The following MAPK10 variants were observed in gnomAD, a reference collection of about 807,000 sequenced individuals.
MAPK10 encodes the protein mitogen-activated protein kinase 10.
A neutral mutation model predicts 59.3 loss-of-function variants in MAPK10; 25 were observed. The ratio of observed to expected loss-of-function variants is 0.42; its 90% confidence interval spans 0.31 to 0.59. The LOEUF (loss-of-function observed/expected upper bound fraction) is 0.59. Ranked by LOEUF, MAPK10 falls within the 20% of genes least tolerant of loss-of-function variation. The pLI, the probability that MAPK10 is intolerant of heterozygous loss-of-function variation, is 0.15. For missense variants in MAPK10, 351 were observed against 568.9 expected (o/e 0.62, Z 3.90); for synonymous variants, 190 against 200.5 (o/e 0.95, Z 0.44).
intron 11 of MAPK10, among the ~76,000 whole-genome samples, chr4:86,039,527 T>C (rs1024583839): frequency 2.0e-5 from 3 of 152,164 alleles, no homozygotes; most frequent in Non-Finnish European, 4.4e-5. Context: ...CAGGGGCTTA[T>C]AGCCTTAGAC....
At chr4:86,526,044 CT>C (rs1757452753) in intron 1 of MAPK10, among the ~76,000 whole-genome samples, 1 of 152,048 alleles carries the variant, frequency 6.6e-6, no homozygotes, top group Admixed American at 6.6e-5. Context: ...TTTCATGTGT[CT>C]TTCCCAGATT....
intron 1 of MAPK10, among the ~76,000 whole-genome samples, chr4:86,413,668 T>G (rs1416931618): frequency 2.0e-5 from 3 of 152,182 alleles, no homozygotes; most frequent in African/African-American, 7.2e-5. Context: ...CAGGTTGACC[T>G]CAGACTGCTG....
At chr4:86,440,116 T>C (rs1749236248) in intron 1 of MAPK10, among the ~76,000 whole-genome samples, 1 of 152,116 alleles carries the variant, frequency 6.6e-6, no homozygotes, top group South Asian at 2.1e-4. Flanking sequence ...ACAACCAGAG[T>C]AGACACAAGA....
At chr4:86,383,062 T>A (rs183741356) in intron 1 of MAPK10, among the ~76,000 whole-genome samples, 2 of 152,236 alleles carry the variant, frequency 1.3e-5, no homozygotes, top group African/African-American at 4.8e-5. Context: ...TCATTCTGCA[T>A]AGTGTAAGAA....
chr4:86,132,195 A>G (rs1028345806), intron 4 of MAPK10, among the ~76,000 whole-genome samples: 1 of 152,222 alleles, frequency 6.6e-6, no homozygotes, highest in Admixed American at 6.5e-5. Context: ...TAATTATTTA[A>G]TCATTGATAC....
At chr4:86,135,233 G>C (rs1460697184) in intron 4 of MAPK10, among the ~76,000 whole-genome samples, 1 of 152,220 alleles carries the variant, frequency 6.6e-6, no homozygotes, top group African/African-American at 2.4e-5. Flanking sequence ...TCTGGGGGCA[G>C]GGCACAGACA....
At chr4:86,365,856 G>C (rs1252492143) in intron 1 of MAPK10, among the ~76,000 whole-genome samples, 1 of 147,056 alleles carries the variant, frequency 6.8e-6, no homozygotes. Flanking sequence ...TCAATCATAA[G>C]AGTTTTTGAA....
At chr4:86,523,092 T>C (rs1321290815) in intron 1 of MAPK10, among the ~76,000 whole-genome samples, 2 of 152,126 alleles carry the variant, frequency 1.3e-5, no homozygotes, top group Non-Finnish European at 2.9e-5. Context: ...ATTTTTCATA[T>C]CATTCATTCT....
At chr4:86,201,531 G>A (rs2082621079) in intron 2 of MAPK10, among the ~76,000 whole-genome samples, 1 of 151,788 alleles carries the variant, frequency 6.6e-6, no homozygotes, top group Non-Finnish European at 1.5e-5. Context: ...GACTGTGGAT[G>A]GAGAGAAGGC....
At chr4:86,218,688 T>A (rs1453468052) in intron 2 of MAPK10, among the ~76,000 whole-genome samples, 1 of 150,996 alleles carries the variant, frequency 6.6e-6, no homozygotes, top group African/African-American at 2.4e-5. Context: ...ACTAGGCCAA[T>A]AGGGGCTATT....
At chr4:86,064,126 A>G in intron 11 of MAPK10, 140 bp downstream of exon 11, 1 of 967,152 alleles carries the variant, frequency 1.0e-6, no homozygotes, top group South Asian at 1.7e-5. Flanking sequence ...AATAGCTTTT[A>G]GAGGGGCAGA....
intron 1 of MAPK10, among the ~76,000 whole-genome samples, chr4:86,584,939 A>T (rs1565079373): frequency 6.6e-6 from 1 of 152,186 alleles, no homozygotes; most frequent in Non-Finnish European, 1.5e-5. Flanking sequence ...CCAAGACAGT[A>T]GCTCAATAAT....
At chr4:86,488,803 C>T (rs924744775) in intron 1 of MAPK10, among the ~76,000 whole-genome samples, 1 of 152,184 alleles carries the variant, frequency 6.6e-6, no homozygotes, top group African/African-American at 2.4e-5. Flanking sequence ...GTCCTCACCT[C>T]AGCCTAGAAT....
At chr4:86,156,387 T>G (rs1353791282) in intron 4 of MAPK10, among the ~76,000 whole-genome samples, 2 of 152,080 alleles carry the variant, frequency 1.3e-5, no homozygotes, top group African/African-American at 2.4e-5. Flanking sequence ...ATTGTATTCG[T>G]CTTACAGTTT....
At chr4:86,236,971 T>C (rs1353450729) in intron 2 of MAPK10, among the ~76,000 whole-genome samples, 2 of 152,014 alleles carry the variant, frequency 1.3e-5, no homozygotes, top group Non-Finnish European at 2.9e-5. Context: ...TGACCCATCC[T>C]CTAAGTTGCC....
chr4:86,197,583 C>T (rs922011531), intron 2 of MAPK10, among the ~76,000 whole-genome samples: 1 of 152,084 alleles, frequency 6.6e-6, no homozygotes, highest in African/African-American at 2.4e-5. Context: ...GTACAGGAAA[C>T]AAGATTTAGA....
intron 2 of MAPK10, among the ~76,000 whole-genome samples, chr4:86,330,542 C>A (rs186136333): frequency 6.6e-6 from 1 of 152,190 alleles, no homozygotes; most frequent in Admixed American, 6.5e-5. Flanking sequence ...CTGCTGTTCT[C>A]ATGATGGTGA....
chr4:86,492,082 G>C (rs1437593540), intron 1 of MAPK10, among the ~76,000 whole-genome samples: 4 of 152,220 alleles, frequency 2.6e-5, no homozygotes, highest in Non-Finnish European at 5.9e-5. Flanking sequence ...AGAGAAGTTT[G>C]ATTTAGACAT....
intron 9 of MAPK10, among the ~76,000 whole-genome samples, chr4:86,075,343 C>T (rs1453620861): frequency 6.6e-6 from 1 of 152,040 alleles, no homozygotes; most frequent in Non-Finnish European, 1.5e-5. Flanking sequence ...GTTTGAATGT[C>T]CTCCCGTAGC....
Sources: gnomAD v4.1 joint callset for allele counts (sites outside exome capture counted in the v4.1 genomes callset) on GRCh38, gnomAD v4.1.1 for gene constraint, MANE v1.5 for transcripts, NCBI Gene and HGNC (gene_info 2026-07-23, HGNC 2026-07-21) for gene names.